The following ATP5F1A variants were observed in gnomAD, a reference collection of about 807,000 sequenced individuals.
The protein encoded by ATP5F1A is ATP synthase F(1) complex subunit alpha, mitochondrial.
Under a neutral mutation model 57.4 loss-of-function variants are expected in ATP5F1A, and 24 were observed. The ratio of observed to expected loss-of-function variants is 0.42; its 90% CI spans 0.30 to 0.59. The LOEUF is 0.59. Among genes scored for constraint, ATP5F1A ranks in the 20% least tolerant of loss-of-function variants. ATP5F1A has a pLI of 0.19. For missense variants in ATP5F1A, 494 were observed against 707.9 expected, an observed-to-expected ratio of 0.70 and a Z score of 3.43; for synonymous variants, 251 against 255.5, an observed-to-expected ratio of 0.98 and a Z score of 0.17.
chr18:46,101,207 T>C (rs1439629913), upstream of ATP5F1A, among the ~76,000 whole-genome samples: 1 of 152,156 alleles, frequency 6.6e-6, no homozygotes, highest in Non-Finnish European at 1.5e-5. Context: ...GACACTGTTT[T>C]AGTTGGGGAT....
intron 10 of ATP5F1A, chr18:46,085,895 T>C: frequency 1.8e-6 from 1 of 548,390 alleles, no homozygotes; most frequent in South Asian, 2.6e-5. Context: ...GTTGCGCCAT[T>C]GCACTTCAGC....
chr18:46,101,257 A>G (rs962844699), upstream of ATP5F1A, among the ~76,000 whole-genome samples: 2 of 152,034 alleles, frequency 1.3e-5, no homozygotes, highest in Non-Finnish European at 2.9e-5. Flanking sequence ...GCTAACAGGA[A>G]AAAATATCGT....
At chr18:46,090,039 C>T in intron 3 of ATP5F1A, 43 bp from the exon 4 acceptor site, 20 of 1,292,872 alleles carry the variant, frequency 1.5e-5, no homozygotes, top group South Asian at 3.0e-5. Context: ...GCTGAATGGG[C>T]ACTCCTCCCC....
upstream of ATP5F1A, among the ~76,000 whole-genome samples, chr18:46,102,551 G>A (rs57007477): frequency 1.3e-5 from 2 of 151,944 alleles, no homozygotes; most frequent in African/African-American, 4.8e-5. Flanking sequence ...CTTGAACTCC[G>A]GACCTCAGGT....
At position 46,087,155 on chromosome 18, in the gene ATP5F1A, G is replaced by A. The variant is rs769984513; in HGVS notation, c.1029C>T (p.Tyr343=). 1 of 1,614,090 alleles carries A rather than the reference G, an allele frequency of 6.2e-7. No individual in the cohort carries two copies. The highest frequency in any genetic ancestry group is 8.5e-7 in the Non-Finnish European group (1 of 1,179,956). ...CTCTCTCCAGCAACCGGGAGTGTAG[G>A]TAGAACACATCACCAGGATAGGCCT... ...GREAYPGDVF[Y]LHSRLLERAA... is the part of the protein sequence containing the mutation. The change falls in exon 8 of 12, where the codon TAC becomes TAT. Residue 343 remains tyrosine, a synonymous_variant. Coordinates refer to ENST00000398752, the MANE Select transcript of ATP5F1A (RefSeq NM_004046.6).
chr18:46,097,873 C>T, intron 1 of ATP5F1A: 1 of 1,207,082 alleles, frequency 8.3e-7, no homozygotes. Context: ...GCGCCCAAGC[C>T]CTGACCTTCA....
At chr18:46,090,866 A>G (rs1023145526) in intron 3 of ATP5F1A, among the ~76,000 whole-genome samples, 1 of 152,216 alleles carries the variant, frequency 6.6e-6, no homozygotes, top group African/African-American at 2.4e-5. Context: ...AGAATACTAC[A>G]TATTTCCAAT....
Position 46,086,131 on chromosome 18 carries a change from G to A in ATP5F1A, c.1411C>T (p.Leu471=). ...AACTTACAATACTGTCCTTGCTTCAGCAACTCAGTTAGACGCACGCCACGA... is the reference window on the plus strand; with the variant it reads ...AACTTACAATACTGTCCTTGCTTCAACAACTCAGTTAGACGCACGCCACGA... ...LSRGVRLTEL[L]KQGQYSPMAI... The change falls in exon 10 of 12, where the codon CTG becomes TTG. Residue 471 remains leucine (L), a synonymous_variant. Coordinates refer to ENST00000398752, the MANE Select transcript of ATP5F1A (RefSeq NM_004046.6). The A allele has an allele frequency of 6.2e-7, 1 of 1,612,176 alleles. No homozygotes were observed. The highest frequency in any genetic ancestry group is 8.5e-7 in the Non-Finnish European group (1 of 1,180,014).
rs71938962 is a variant in ATP5F1A at position 46,094,164 on chromosome 18, T to TACAC, written c.139+885_139+888dup. On this transcript the variant is annotated intron_variant, in intron 2 of 11. Transcript: ENST00000398752. ...CTGAACGTGGGGGTGTGTGTACACATACACACACACACACACACACACATA... is the reference window on the plus strand; with the variant it reads ...CTGAACGTGGGGGTGTGTGTACACATACACACACACACACACACACACACACATA... Among the ~76,000 whole-genome samples, 62 of 149,138 alleles carry TACAC rather than the reference T, an allele frequency of 4.2e-4. No homozygotes were observed. The East Asian group carries it at 6.4e-3, about 15-fold the overall frequency.
upstream of ATP5F1A, among the ~76,000 whole-genome samples, chr18:46,100,251 T>TAAAAAAAAAAAAAAAAAAAAAAAAAAAA (rs34683117): frequency 1.3e-4 from 9 of 68,654 alleles, no homozygotes; most frequent in East Asian, 4.1e-4. Context: ...AAACTCCATC[T>TAAAAAAAAAAAAAAAAAAAAAAAAAAAA]AAAAAAAAAA....
At chr18:46,098,589 T>G (rs1373206540), upstream of ATP5F1A, among the ~76,000 whole-genome samples, 1 of 151,988 alleles carries the variant, frequency 6.6e-6, no homozygotes, top group South Asian at 2.1e-4. Context: ...CCAGGCCCCA[T>G]CTGGTGCTAG....
At position 46,086,380 on chromosome 18, in the gene ATP5F1A, A is replaced by G. The variant is rs1244711321; in HGVS notation, c.1284+7T>C. The G allele has an allele frequency of 1.2e-6, 2 of 1,613,928 alleles. No homozygotes were observed. Among genetic ancestry groups the G allele is most frequent in the Admixed American group, 1.7e-5 (1 of 59,958 alleles). ...GCCCCCTTACTGCCAAAGTGATGCA[A>G]AATTACCTGCTTCATAGCCCTGGTT... On this transcript the variant is annotated splice_region_variant and intron_variant, in intron 9 of 11. Transcript: ENST00000398752.
chr18:46,097,927 A>C, intron 1 of ATP5F1A: 1 of 1,247,690 alleles, frequency 8.0e-7, no homozygotes, highest in Non-Finnish European at 1.0e-6. Flanking sequence ...GAAGACAGGA[A>C]TCTTGAGGCC....
At chr18:46,102,044 G>A (rs1401298488), upstream of ATP5F1A, among the ~76,000 whole-genome samples, 1 of 151,520 alleles carries the variant, frequency 6.6e-6, no homozygotes, top group Non-Finnish European at 1.5e-5. Context: ...TGTGGTGGCG[G>A]GCACCTGTAG....
intron 6 of ATP5F1A, 190 bp downstream of exon 6, chr18:46,087,919 C>T: frequency 5.0e-6 from 3 of 603,058 alleles, no homozygotes; most frequent in Non-Finnish European, 8.3e-6. Context: ...CAAACAGCTT[C>T]CACTTTAAAG....
At chr18:46,101,989 A>G (rs969395371), upstream of ATP5F1A, among the ~76,000 whole-genome samples, 1 of 152,092 alleles carries the variant, frequency 6.6e-6, no homozygotes, top group Admixed American at 6.5e-5. Context: ...CCTGGCTAAC[A>G]TGGTGAAACC....
chr18:46,084,753 T>G, intron 10 of ATP5F1A, 99 bp from the exon 11 acceptor site: 1 of 1,264,866 alleles, frequency 7.9e-7, no homozygotes, highest in Admixed American at 3.0e-5. Context: ...ATTCCTAACA[T>G]GTCCCTGTAA....
intron 2 of ATP5F1A, among the ~76,000 whole-genome samples, chr18:46,092,638 C>T (rs1160581656): frequency 7.2e-6 from 1 of 138,482 alleles, no homozygotes; most frequent in Admixed American, 7.1e-5. Flanking sequence ...TATATATATT[C>T]TACACTGTAA....
upstream of ATP5F1A, among the ~76,000 whole-genome samples, chr18:46,099,564 G>A (rs1195919718): frequency 6.6e-6 from 1 of 151,928 alleles, no homozygotes; most frequent in Non-Finnish European, 1.5e-5. Flanking sequence ...GCAATCCTCT[G>A]ACCTCAGCCT....
Sources: gnomAD v4.1 joint callset for allele counts (sites outside exome capture counted in the v4.1 genomes callset) on GRCh38, gnomAD v4.1.1 for gene constraint, MANE v1.5 for transcripts, NCBI Gene and HGNC (gene_info 2026-07-23, HGNC 2026-07-21) for gene names.